Variants in TAFA1 observed in about 807,000 individuals in gnomAD.
TAFA1 encodes the protein chemokine-like protein TAFA-1.
Under a neutral mutation model 18.5 loss-of-function variants are expected in TAFA1, and 4 were observed. The observed-to-expected ratio is 0.22, with a 90% CI of 0.11 to 0.49. The LOEUF is 0.49. TAFA1 is among the 20% of genes least tolerant of loss of function. The pLI is 0.98. For synonymous variants in TAFA1, 56 were observed against 55.2 expected (o/e 1.01, Z -0.06); for missense variants, 147 against 169.0 (o/e 0.87, Z 0.72).
chr3:68,106,033 G>GTTTAAAAGAAAT (rs920648724), intron 2 of TAFA1, among the ~76,000 whole-genome samples: 1 of 151,936 alleles, frequency 6.6e-6, no homozygotes, highest in African/African-American at 2.4e-5. Flanking sequence ...AGGTATGCTT[G>GTTTAAAAGAAAT]TTTAAAAGAA....
At chr3:68,132,284 G>A (rs1191281690) in intron 2 of TAFA1, among the ~76,000 whole-genome samples, 2 of 152,138 alleles carry the variant, frequency 1.3e-5, no homozygotes, top group South Asian at 2.1e-4. Flanking sequence ...TATCATTGAC[G>A]GACATTTGGG....
At chr3:68,005,315 T>C (rs1704338307) in intron 1 of TAFA1, among the ~76,000 whole-genome samples, 1 of 152,182 alleles carries the variant, frequency 6.6e-6, no homozygotes, top group Non-Finnish European at 1.5e-5. Flanking sequence ...AAGTGAATGC[T>C]CCATCTGAAT....
intron 2 of TAFA1, among the ~76,000 whole-genome samples, chr3:68,039,673 A>T (rs918903445): frequency 6.6e-6 from 1 of 152,120 alleles, no homozygotes; most frequent in Non-Finnish European, 1.5e-5. Context: ...ACCTTGAAAC[A>T]AGGATTTGAG....
chr3:68,301,078 A>G (rs1383337098), intron 2 of TAFA1, among the ~76,000 whole-genome samples: 1 of 152,232 alleles, frequency 6.6e-6, no homozygotes, highest in East Asian at 1.9e-4. Context: ...TAGTAAAGGT[A>G]ATACATTCAC....
At chr3:68,433,098 T>C (rs531006079) in intron 3 of TAFA1, among the ~76,000 whole-genome samples, 44 of 152,112 alleles carry the variant, frequency 2.9e-4, no homozygotes, top group Non-Finnish European at 5.7e-4. Flanking sequence ...AAATTCAATA[T>C]GCTGAAAATG....
chr3:68,452,389 T>G (rs938424630), intron 3 of TAFA1, among the ~76,000 whole-genome samples: 49 of 151,872 alleles, frequency 3.2e-4, no homozygotes, highest in African/African-American at 1.1e-3. Context: ...TGGGCGTTGT[T>G]GCAGGAACCT....
intron 2 of TAFA1, among the ~76,000 whole-genome samples, chr3:68,293,030 A>G (rs1296052252): frequency 7.8e-6 from 1 of 128,752 alleles, no homozygotes; most frequent in Non-Finnish European, 1.6e-5. Context: ...CTGTTAGTAT[A>G]AAAGGATGAC....
rs147521863 is a variant in TAFA1 at position 68,008,929 on chromosome 3, G to T, written c.118+2185G>T. On this transcript the variant is annotated intron_variant, in intron 2 of 4. Coordinates refer to ENST00000478136, the MANE Select transcript of TAFA1 (RefSeq NM_213609.4). ...TTTATAGATATGGTGGTTGGGGGCG[G>T]GGAGAGGTGGGGTGTAAATATAATA... 7.0e-3 allele frequency among the ~76,000 whole-genome samples: 1,072 copies of T among 152,192 alleles called. 13 individuals carry two copies. Among genetic ancestry groups the T allele is most frequent in the African/African-American group, 0.024 (1,006 of 41,490 alleles).
chr3:68,401,600 T>A (rs1472632193), intron 2 of TAFA1, among the ~76,000 whole-genome samples: 1 of 152,210 alleles, frequency 6.6e-6, no homozygotes, highest in Non-Finnish European at 1.5e-5. Flanking sequence ...TCTCCAGACT[T>A]GCGTCTTTTC....
In TAFA1 at chr3:68,413,192, T is replaced by A. The variant is rs192542061; in HGVS notation, c.119-4088T>A. 5.7e-3 allele frequency among the ~76,000 whole-genome samples: 870 copies of A among 152,318 alleles called. 1 individual carries two copies. Among genetic ancestry groups the A allele is most frequent in the Non-Finnish European group, 9.3e-3 (636 of 68,036 alleles). Reference sequence around the variant, plus strand: ...ATTGTCTTCTTTTGAGAAGTGTCTGTTCATATCCTTTGCCCACTTTTTGAT... The same window carrying A: ...ATTGTCTTCTTTTGAGAAGTGTCTGATCATATCCTTTGCCCACTTTTTGAT... On this transcript the variant is annotated intron_variant, in intron 2 of 4. Coordinates refer to ENST00000478136, the MANE Select transcript of TAFA1 (RefSeq NM_213609.4).
chr3:68,469,815 G>T lies in TAFA1; in HGVS notation c.259+52395G>T, dbSNP rs556578513. Among the ~76,000 whole-genome samples, 6 of 152,302 alleles carry T rather than the reference G, an allele frequency of 3.9e-5. No individual in the cohort carries two copies. The South Asian group carries it at 1.2e-3, about 32-fold the overall frequency. On this transcript the variant is annotated intron_variant, in intron 3 of 4. Transcript: ENST00000478136. The stretch of plus-strand genomic sequence containing the variant: ...TGGTATGTATTAATTACACAACCTT[G>T]TACCAGTGATGGGCTGTCTAAGCTT...
At chr3:68,479,241 A>AAAAATATATATATATAT (rs1353493315) in intron 3 of TAFA1, among the ~76,000 whole-genome samples, 1 of 123,662 alleles carries the variant, frequency 8.1e-6, no homozygotes, top group East Asian at 2.5e-4. Context: ...AAAAAAAAAA[A>AAAAATATATATATATAT]ATATATATAT....
At chr3:68,362,077 A>C (rs1157171447) in intron 2 of TAFA1, among the ~76,000 whole-genome samples, 1 of 152,142 alleles carries the variant, frequency 6.6e-6, no homozygotes, top group Non-Finnish European at 1.5e-5. Flanking sequence ...GAATCAAGCA[A>C]TAAGGTTGGG....
intron 3 of TAFA1, among the ~76,000 whole-genome samples, chr3:68,472,049 G>A (rs2072005618): frequency 6.6e-6 from 1 of 152,094 alleles, no homozygotes; most frequent in South Asian, 2.1e-4. Context: ...GCCATGATTG[G>A]TTTTGAAATG....
intron 2 of TAFA1, among the ~76,000 whole-genome samples, chr3:68,017,735 C>G (rs1181851866): frequency 2.0e-5 from 3 of 152,226 alleles, no homozygotes; most frequent in Admixed American, 6.5e-5. Flanking sequence ...CTGTCAACTT[C>G]TGAGAGTTGA....
chr3:68,300,713 C>A (rs1009293477), intron 2 of TAFA1, among the ~76,000 whole-genome samples: 4 of 152,104 alleles, frequency 2.6e-5, no homozygotes, highest in African/African-American at 9.7e-5. Context: ...AAGGGAGAGA[C>A]CAGGTGGAGG....
At chr3:68,256,775 G>C (rs2107180857) in intron 2 of TAFA1, among the ~76,000 whole-genome samples, 1 of 152,160 alleles carries the variant, frequency 6.6e-6, no homozygotes, top group East Asian at 1.9e-4. Flanking sequence ...GAGGAAATTT[G>C]ATACATGTTT....
intron 2 of TAFA1, among the ~76,000 whole-genome samples, chr3:68,261,124 C>T (rs1452038957): frequency 6.6e-6 from 1 of 152,002 alleles, no homozygotes; most frequent in Admixed American, 6.6e-5. Flanking sequence ...AGACACTTCT[C>T]AAAAGAAGAC....
intron 2 of TAFA1, among the ~76,000 whole-genome samples, chr3:68,399,741 C>G (rs1345415526): frequency 6.6e-6 from 1 of 152,108 alleles, no homozygotes; most frequent in African/African-American, 2.4e-5. Flanking sequence ...TTATTCAGTC[C>G]TCATATCTAC....
Sources: allele counts gnomAD v4.1 joint callset (sites outside exome capture counted in the v4.1 genomes callset), GRCh38; gene constraint gnomAD v4.1.1; transcripts MANE v1.5; gene names NCBI Gene and HGNC (gene_info 2026-07-23, HGNC 2026-07-21).